Variants in RSPH3 observed in about 807,000 individuals in gnomAD.
RSPH3 encodes radial spoke head 3.
Under a neutral mutation model 43.8 loss-of-function variants are expected in RSPH3, and 21 were observed. The ratio of observed to expected loss-of-function variants is 0.48; its 90% CI spans 0.34 to 0.69. RSPH3 has a LOEUF of 0.69. RSPH3 is among the 30% of genes least tolerant of loss of function. The pLI is 0.01. For synonymous variants in RSPH3, 173 were observed against 179.8 expected, an observed-to-expected ratio of 0.96 and a Z score of 0.30; for missense variants, 487 against 516.0, an observed-to-expected ratio of 0.94 and a Z score of 0.54.
At position 158,991,978 on chromosome 6, in the gene RSPH3, G is replaced by C. The variant is rs561988842; in HGVS notation, c.204+1861C>G. Among the ~76,000 whole-genome samples, 568 of 150,508 alleles carry C rather than the reference G, an allele frequency of 3.8e-3. 6 individuals are homozygous for C. Among genetic ancestry groups the C allele is most frequent in the African/African-American group, 0.014 (553 of 40,962 alleles). On this transcript the variant is annotated intron_variant, in intron 2 of 7. Coordinates refer to ENST00000367069, the MANE Select transcript of RSPH3 (RefSeq NM_031924.8). ...CTTTAATATTTCATAAATTATATGA[G>C]ATATTCAGTACTTTATTATAAAATA...
At chr6:158,981,026 T>A in intron 5 of RSPH3, 90 bp from the exon 6 acceptor site, 7 of 1,295,438 alleles carry the variant, frequency 5.4e-6, no homozygotes, top group African/African-American at 4.4e-5. Flanking sequence ...GAATCCAGAC[T>A]TATCAAAAAA....
chr6:158,974,138 T>C lies in RSPH3; in HGVS notation c.*3400A>G, dbSNP rs1419570076. 6.6e-6 allele frequency: 1 copy of C among 152,258 alleles called. No individual in the cohort carries two copies. Among genetic ancestry groups the C allele is most frequent in the Non-Finnish European group, 1.5e-5 (1 of 68,044 alleles). The allele number at this position is 152,258 out of a possible 1,614,324, so 9.4% of individuals were successfully genotyped here. A position where few individuals can be genotyped will look rare whatever the true frequency, so the allele number is the denominator to read the frequency against. On this transcript the variant is annotated 3_prime_UTR_variant, in exon 8 of 8. Transcript: ENST00000367069. The stretch of plus-strand genomic sequence containing the variant: ...CAATTTCAATATATTTACTATCTGT[T>C]CTTCATTTTATTATTATTTAGCTTC...
chr6:158,994,414 T>C (rs1215219001), intron 1 of RSPH3, among the ~76,000 whole-genome samples: 3 of 152,238 alleles, frequency 2.0e-5, no homozygotes, highest in Non-Finnish European at 4.4e-5. Flanking sequence ...AACCCAAATA[T>C]ATTTTTTAAA....
At position 158,974,157 on chromosome 6, in the gene RSPH3, T is replaced by TATA. The variant is rs2128604269; in HGVS notation, c.*3380_*3381insTAT. ...ATCTGTTCTTCATTTTATTATTATTTAGCTTCTGTTAACTCAGTGTTAGCT... is the reference window on the plus strand; with the variant it reads ...ATCTGTTCTTCATTTTATTATTATTTATAAGCTTCTGTTAACTCAGTGTTAGCT... On this transcript the variant is annotated 3_prime_UTR_variant, in exon 8 of 8. Coordinates refer to ENST00000367069, the MANE Select transcript of RSPH3 (RefSeq NM_031924.8). The TATA allele has an allele frequency of 6.6e-6, 1 of 152,364 alleles. No individual in the cohort carries two copies. Among genetic ancestry groups the TATA allele is most frequent in the South Asian group, 2.1e-4 (1 of 4,830 alleles). The allele number at this position is 152,364 out of a possible 1,614,324, so 9.4% of individuals were successfully genotyped here.
intron 1 of RSPH3, among the ~76,000 whole-genome samples, chr6:158,997,230 G>C (rs956108859): frequency 6.6e-6 from 1 of 151,018 alleles, no homozygotes; most frequent in Admixed American, 6.6e-5. Context: ...TACTCTGTTA[G>C]AGCAACATAA....
chr6:158,997,025 A>G (rs914406330), intron 1 of RSPH3, among the ~76,000 whole-genome samples: 1 of 152,166 alleles, frequency 6.6e-6, no homozygotes, highest in Non-Finnish European at 1.5e-5. Context: ...GCAAGTTGCT[A>G]CAAAATGAGG....
chr6:158,966,331 T>C, the RSPH3 span, among the ~76,000 whole-genome samples: 16 of 152,318 alleles, frequency 1.1e-4, no homozygotes, highest in African/African-American at 3.8e-4. Flanking sequence ...GGTATTAGGG[T>C]AAACTGGTCT....
chr6:158,964,327 AG>A, the RSPH3 span, among the ~76,000 whole-genome samples: 3 of 152,182 alleles, frequency 2.0e-5, no homozygotes, highest in Non-Finnish European at 4.4e-5. Context: ...ATCAAATCTA[AG>A]GATCAATGGG....
chr6:158,984,472 A>G (rs1458250507), intron 3 of RSPH3, among the ~76,000 whole-genome samples: 2 of 121,628 alleles, frequency 1.6e-5, no homozygotes, highest in East Asian at 2.6e-4. Flanking sequence ...ATATATATAT[A>G]TATTTGAGTC....
Position 158,999,854 on chromosome 6 carries a change from A to G in RSPH3, c.-304T>C, listed in dbSNP as rs751442066. 26 of 1,613,748 alleles carry G rather than the reference A, an allele frequency of 1.6e-5. No homozygotes were observed. The highest frequency in any genetic ancestry group is 2.1e-5 in the Non-Finnish European group (25 of 1,179,914). ...AGTTCCGGTCCCCAGGTTTCCCGGGAAGGACTGCGGCACAAGGGACTTCCG... is the reference window on the plus strand; with the variant it reads ...AGTTCCGGTCCCCAGGTTTCCCGGGGAGGACTGCGGCACAAGGGACTTCCG... On this transcript the variant is annotated 5_prime_UTR_variant, in exon 1 of 8. Transcript: ENST00000367069.
intron 1 of RSPH3, among the ~76,000 whole-genome samples, chr6:158,996,585 A>C (rs934508647): frequency 9.2e-5 from 14 of 152,200 alleles, no homozygotes; most frequent in African/African-American, 3.1e-4. Context: ...TATATACCCA[A>C]TCAAGATAAT....
rs1223960055 is a variant in RSPH3, at chr6:159,000,130, C to T, written c.-580G>A. ...TCTCCTGCCGCGGCGCAGCAGCGCT[C>T]CCAGGCTGCCCCCGCGATAACACGC... is the stretch of plus-strand genomic sequence containing the variant. On this transcript the variant is annotated 5_prime_UTR_variant, in exon 1 of 8. Transcript: ENST00000367069. The T allele has an allele frequency of 9.4e-6, 7 of 746,948 alleles. No individual in the cohort carries two copies. Among genetic ancestry groups the T allele is most frequent in the Non-Finnish European group, 1.4e-5 (7 of 489,102 alleles). The allele number at this position is 746,948 out of a possible 1,614,324, so 46.3% of individuals were successfully genotyped here. A position where few individuals can be genotyped will look rare whatever the true frequency, so the allele number is the denominator to read the frequency against.
rs372007100 is a variant in RSPH3, at chr6:158,990,886, C to CTT, written c.204+2951_204+2952dup. Among the ~76,000 whole-genome samples the CTT allele has an allele frequency of 7.6e-5, 10 of 132,184 alleles. No homozygotes were observed. In the East Asian group the frequency reaches 1.3e-3, roughly 17 times the overall value. The allele number at this position is 132,184 out of a possible 152,430, so 86.7% of individuals were successfully genotyped here. A position where few individuals can be genotyped will look rare whatever the true frequency, so the allele number is the denominator to read the frequency against. On this transcript the variant is annotated intron_variant, in intron 2 of 7. Coordinates refer to ENST00000367069, the MANE Select transcript of RSPH3 (RefSeq NM_031924.8). ...GTGATTGTTCTTCAGCTCTCTCAGC[C>CTT]TTTTTTTTTTTTTTTTGGTCTATTT... is the stretch of plus-strand genomic sequence containing the variant.
intron 2 of RSPH3, among the ~76,000 whole-genome samples, chr6:158,991,224 G>C (rs1177069943): frequency 6.6e-6 from 1 of 152,096 alleles, no homozygotes; most frequent in Non-Finnish European, 1.5e-5. Flanking sequence ...TTTCTTGATT[G>C]TCTTTCCTCA....
At chr6:158,966,322 G>C in the RSPH3 span, among the ~76,000 whole-genome samples, 1 of 152,088 alleles carries the variant, frequency 6.6e-6, no homozygotes, top group Non-Finnish European at 1.5e-5. Flanking sequence ...CCTGATTCTG[G>C]TATTAGGGTA....
chr6:158,999,704 G>C lies in RSPH3; in HGVS notation c.-154C>G. 6.2e-7 allele frequency: 1 copy of C among 1,613,970 alleles called. No homozygotes were observed. The highest frequency in any genetic ancestry group is 2.2e-5 in the East Asian group (1 of 44,884). On this transcript the variant is annotated 5_prime_UTR_variant, in exon 1 of 8. Coordinates refer to ENST00000367069, the MANE Select transcript of RSPH3 (RefSeq NM_031924.8). Reference sequence around the variant, plus strand: ...ACAACAAGGGAGGCGGGCGGGACGGGAGGTTACCAGCGCAGGAGGTGGGAG... The same window carrying C: ...ACAACAAGGGAGGCGGGCGGGACGGCAGGTTACCAGCGCAGGAGGTGGGAG...
downstream of RSPH3, among the ~76,000 whole-genome samples, chr6:158,972,285 A>C (rs1420472329): frequency 6.6e-6 from 1 of 152,134 alleles, no homozygotes; most frequent in East Asian, 1.9e-4. Context: ...TAAAGTGAAA[A>C]CCTCATCCTT....
chr6:158,981,239 A>G (rs895145455), intron 5 of RSPH3, among the ~76,000 whole-genome samples: 25 of 152,228 alleles, frequency 1.6e-4, no homozygotes, highest in African/African-American at 5.8e-4. Context: ...CATTATATGT[A>G]TTTTAAATTA....
rs1778233710 is a variant in RSPH3 at position 158,986,204 on chromosome 6, A to T, written c.346+76T>A. The T allele has an allele frequency of 4.2e-6, 6 of 1,443,444 alleles. No individual in the cohort carries two copies. In the African/African-American group the frequency reaches 7.1e-5, roughly 17 times the overall value. The allele number at this position is 1,443,444 out of a possible 1,614,324, so 89.4% of individuals were successfully genotyped here. A position where few individuals can be genotyped will look rare whatever the true frequency, so the allele number is the denominator to read the frequency against. On this transcript the variant is annotated intron_variant, in intron 3 of 7. Transcript: ENST00000367069. ...CACAGGAGAGGCATAAGTAATACAA[A>T]GGCCAAATAAAAATGAACTGACATA...
Sources: gnomAD v4.1 joint callset for allele counts (sites outside exome capture counted in the v4.1 genomes callset) on GRCh38, gnomAD v4.1.1 for gene constraint, MANE v1.5 for transcripts, NCBI Gene and HGNC (gene_info 2026-07-23, HGNC 2026-07-21) for gene names.